The following AGBL1 variants were observed in gnomAD, a reference collection of about 807,000 sequenced individuals.
AGBL1 encodes cytosolic carboxypeptidase 4.
In AGBL1, 130 loss-of-function variants were observed where a neutral mutation model predicts 118.9. The ratio of observed to expected loss-of-function variants is 1.09; its 90% CI spans 0.95 to 1.26. The LOEUF is 1.26. AGBL1 is among the 50% of genes most tolerant of loss of function. AGBL1 has a pLI of 0.00. For missense variants in AGBL1, 1,584 were observed against 1,298.1 expected (o/e 1.22, Z -3.38); for synonymous variants, 555 against 478.9 (o/e 1.16, Z -2.08).
rs760885442 is a variant in AGBL1, at chr15:86,545,989, T to G, written c.2686-13T>G. ...GACCTGGTTTTATTTTCTCCTTTGT[T>G]GGGCTATTGTAGGTTTTCTGTGACT... On this transcript the variant is annotated splice_polypyrimidine_tract_variant and intron_variant, in intron 19 of 22. Transcript: ENST00000614907. The G allele has an allele frequency of 6.2e-7, 1 of 1,610,078 alleles. No individual in the cohort carries two copies. Among genetic ancestry groups the G allele is most frequent in the South Asian group, 1.1e-5 (1 of 90,948 alleles).
At chr15:86,586,588 G>T (rs932245299) in intron 21 of AGBL1, among the ~76,000 whole-genome samples, 9 of 152,122 alleles carry the variant, frequency 5.9e-5, no homozygotes, top group African/African-American at 1.9e-4. Context: ...AGCAGCCCAG[G>T]AAAACAGTCT....
chr15:86,352,530 G>A (rs780099475), intron 17 of AGBL1, among the ~76,000 whole-genome samples: 9 of 151,322 alleles, frequency 5.9e-5, no homozygotes, highest in South Asian at 2.1e-4. Flanking sequence ...AAGCTGGAGC[G>A]CATTACATTG....
At chr15:86,361,970 C>A (rs991814754) in intron 17 of AGBL1, among the ~76,000 whole-genome samples, 1 of 152,042 alleles carries the variant, frequency 6.6e-6, no homozygotes, top group African/African-American at 2.4e-5. Flanking sequence ...TTAGTCTTGC[C>A]ATTTTGTTAA....
In AGBL1 at chr15:86,256,937, C is replaced by T. The variant is rs755714357; in HGVS notation, c.820C>T (p.Pro274Ser). The stretch of plus-strand genomic sequence containing the variant: ...GCAGTGCTACCCTACGAGTCCACTT[C>T]CCTTGGTCACAGCCAGCAGTGCCTA... ...LRQCYPTSPL[P>S]LVTASSAYAF... Residue 274 changes from proline to serine, a missense_variant, in exon 8 of 23, where the codon CCC (proline) becomes TCC (serine). By Grantham distance (74) the Pro-to-Ser change is moderately conservative (BLOSUM62 -1). Coordinates refer to ENST00000614907, the MANE Select transcript of AGBL1 (RefSeq NM_001386094.1). 6.2e-7 allele frequency: 1 copy of T among 1,613,950 alleles called. No individual in the cohort carries two copies. Among genetic ancestry groups the T allele is most frequent in the South Asian group, 1.1e-5 (1 of 91,074 alleles).
At position 87,021,666 on chromosome 15, in the gene AGBL1, C is replaced by T. The variant is rs187088823; in HGVS notation, c.3324-7159C>T. 7.4e-3 allele frequency among the ~76,000 whole-genome samples: 1,119 copies of T among 152,120 alleles called. 13 individuals are homozygous for T. Among genetic ancestry groups the T allele is most frequent in the African/African-American group, 0.026 (1,065 of 41,522 alleles). ...ATTTACCAGAAAAAAACATACAACC[C>T]CATTAAAACGTGAGCAAAGCACATG... On this transcript the variant is annotated intron_variant, in intron 24 of 24. Coordinates refer to the AGBL1 transcript ENST00000441037.
chr15:86,562,988 T>C (rs1406448008), intron 21 of AGBL1, among the ~76,000 whole-genome samples: 1 of 152,220 alleles, frequency 6.6e-6, no homozygotes, highest in African/African-American at 2.4e-5. Context: ...TCGGTGGTGA[T>C]ATCCCCTTTA....
At chr15:86,676,629 A>G (rs1361120564) in intron 22 of AGBL1, among the ~76,000 whole-genome samples, 2 of 152,176 alleles carry the variant, frequency 1.3e-5, no homozygotes, top group African/African-American at 2.4e-5. Context: ...ATGTTTGTCA[A>G]CACAAATCTA....
intron 22 of AGBL1, among the ~76,000 whole-genome samples, chr15:86,764,005 C>G (rs1425737253): frequency 6.6e-6 from 1 of 151,940 alleles, no homozygotes; most frequent in Non-Finnish European, 1.5e-5. Context: ...AAGTATTTTC[C>G]TGAGATAATT....
chr15:86,199,879 G>T (rs537134424), intron 5 of AGBL1, among the ~76,000 whole-genome samples: 2 of 152,258 alleles, frequency 1.3e-5, no homozygotes, highest in South Asian at 4.1e-4. Context: ...CCTTAGTCAA[G>T]CCATTTAATC....
intron 21 of AGBL1, among the ~76,000 whole-genome samples, chr15:86,634,497 A>G (rs1270903212): frequency 6.6e-6 from 1 of 152,210 alleles, no homozygotes; most frequent in East Asian, 1.9e-4. Context: ...GGAAATGCTC[A>G]GAACAGGAAA....
At chr15:86,699,098 TA>T (rs1366497157) in intron 22 of AGBL1, among the ~76,000 whole-genome samples, 2 of 152,022 alleles carry the variant, frequency 1.3e-5, no homozygotes, top group African/African-American at 2.4e-5. Flanking sequence ...ATGCCTTTCA[TA>T]TTTTTTTTAG....
intron 20 of AGBL1, among the ~76,000 whole-genome samples, chr15:86,549,109 C>T (rs1459334719): frequency 6.6e-6 from 1 of 152,094 alleles, no homozygotes; most frequent in Non-Finnish European, 1.5e-5. Context: ...CACCTCCTAC[C>T]AGGCCCCACC....
chr15:86,297,723 C>T (rs2079668699), intron 17 of AGBL1, among the ~76,000 whole-genome samples: 1 of 152,142 alleles, frequency 6.6e-6, no homozygotes, highest in Non-Finnish European at 1.5e-5. Flanking sequence ...GGATTAATTT[C>T]AGGACCCCTT....
intron 23 of AGBL1, among the ~76,000 whole-genome samples, chr15:86,979,385 C>A (rs1277773313): frequency 6.6e-6 from 1 of 152,192 alleles, no homozygotes; most frequent in Non-Finnish European, 1.5e-5. Flanking sequence ...AGTTATCTTA[C>A]TATATCTAAT....
chr15:86,555,582 C>T (rs1331003155), intron 21 of AGBL1, among the ~76,000 whole-genome samples: 1 of 152,070 alleles, frequency 6.6e-6, no homozygotes, highest in African/African-American at 2.4e-5. Flanking sequence ...TGTTTTGTTA[C>T]TGAATTAATA....
chr15:86,116,110 G>A (rs79328582), intron 1 of AGBL1, among the ~76,000 whole-genome samples: 4,495 of 152,294 alleles, frequency 0.03, 92 homozygotes, highest in Middle Eastern at 0.058. Context: ...GTGCCATTGT[G>A]CTATGTTATT....
intron 22 of AGBL1, among the ~76,000 whole-genome samples, chr15:86,857,053 C>T (rs1366306705): frequency 6.6e-6 from 1 of 152,128 alleles, no homozygotes; most frequent in Non-Finnish European, 1.5e-5. Flanking sequence ...GAAACCCAGA[C>T]CCCAGACTGA....
chr15:86,406,418 A>AT (rs1216373285), intron 18 of AGBL1, among the ~76,000 whole-genome samples: 1 of 152,222 alleles, frequency 6.6e-6, no homozygotes, highest in Non-Finnish European at 1.5e-5. Context: ...AAACAAAATG[A>AT]TTTTATTGTT....
chr15:86,450,461 G>A (rs16977268), intron 18 of AGBL1, among the ~76,000 whole-genome samples: 3,420 of 152,288 alleles, frequency 0.022, 54 homozygotes, highest in Middle Eastern at 0.078. Context: ...GGATTTGTTG[G>A]TTGACTGTTT....
Sources: allele counts gnomAD v4.1 joint callset (sites outside exome capture counted in the v4.1 genomes callset), GRCh38; gene constraint gnomAD v4.1.1; transcripts MANE v1.5; gene names NCBI Gene and HGNC (gene_info 2026-07-23, HGNC 2026-07-21).